Variants in CDH4 observed in about 807,000 individuals in gnomAD.
The protein encoded by CDH4 is cadherin 4.
Under a neutral mutation model 86.0 loss-of-function variants are expected in CDH4, and 33 were observed. That is an observed-to-expected ratio of 0.38 (90% CI 0.29 to 0.51). CDH4 has a LOEUF of 0.51. Among genes scored for constraint, CDH4 ranks in the 20% least tolerant of loss-of-function variants. CDH4 has a pLI of 0.86. For missense variants in CDH4, 1,114 were observed against 1,307.4 expected (o/e 0.85, Z 2.28); for synonymous variants, 555 against 549.4 (o/e 1.01, Z -0.14).
intron 2 of CDH4, among the ~76,000 whole-genome samples, chr20:61,651,585 C>T (rs1453113398): frequency 6.6e-6 from 1 of 152,218 alleles, no homozygotes; most frequent in Non-Finnish European, 1.5e-5. Flanking sequence ...ACTCTGGCTT[C>T]TCCATTTAGT....
chr20:61,895,121 C>A, intron 8 of CDH4, 74 bp downstream of exon 8: 1 of 1,537,426 alleles, frequency 6.5e-7, no homozygotes. Context: ...GGCACAGCCT[C>A]CTCTCTCTCT....
At chr20:61,383,836 TATATGC>T (rs879861046) in intron 2 of CDH4, among the ~76,000 whole-genome samples, 30,746 of 141,180 alleles carry the variant, frequency 0.22, 4,287 homozygotes, top group African/African-American at 0.3. Context: ...TATGAAGATA[TATATGC>T]GTATATATGA....
chr20:61,479,658 T>G (rs1395042906), intron 2 of CDH4, among the ~76,000 whole-genome samples: 1 of 152,226 alleles, frequency 6.6e-6, no homozygotes, highest in Non-Finnish European at 1.5e-5. Context: ...GCAACTTGAT[T>G]CTAAGTGGGC....
At chr20:61,506,837 G>C (rs2085744581) in intron 2 of CDH4, among the ~76,000 whole-genome samples, 1 of 152,202 alleles carries the variant, frequency 6.6e-6, no homozygotes, top group Non-Finnish European at 1.5e-5. Context: ...GTGGTGCTGG[G>C]TAGGGTTTAA....
At chr20:61,350,724 G>T (rs1376474615) in intron 2 of CDH4, among the ~76,000 whole-genome samples, 1 of 151,958 alleles carries the variant, frequency 6.6e-6, no homozygotes, top group Non-Finnish European at 1.5e-5. Context: ...CCCCCCCCCA[G>T]TGCTAACTGC....
intron 2 of CDH4, among the ~76,000 whole-genome samples, chr20:61,258,448 G>A (rs1457027174): frequency 6.6e-6 from 1 of 150,628 alleles, no homozygotes; most frequent in African/African-American, 2.4e-5. Flanking sequence ...GGACCATCTT[G>A]TGTACCCTCG....
intron 2 of CDH4, among the ~76,000 whole-genome samples, chr20:61,736,992 G>C (rs974908865): frequency 6.6e-6 from 1 of 152,202 alleles, no homozygotes; most frequent in Non-Finnish European, 1.5e-5. Context: ...CCAGGAGAAG[G>C]TCGAGGTGCA....
chr20:61,787,469 G>GC (rs1978945342), intron 4 of CDH4, among the ~76,000 whole-genome samples: 1 of 152,128 alleles, frequency 6.6e-6, no homozygotes, highest in African/African-American at 2.4e-5. Context: ...GGAGGTAACT[G>GC]CGCCCATGAT....
chr20:61,291,322 C>T (rs2084319480), intron 2 of CDH4, among the ~76,000 whole-genome samples: 1 of 152,186 alleles, frequency 6.6e-6, no homozygotes, highest in African/African-American at 2.4e-5. Flanking sequence ...CCCGGCGGGT[C>T]CCATATCCGG....
chr20:61,614,581 T>C (rs1162034636), intron 2 of CDH4, among the ~76,000 whole-genome samples: 13 of 152,134 alleles, frequency 8.5e-5, no homozygotes, highest in Admixed American at 8.5e-4. Flanking sequence ...CTGTGGAGTC[T>C]GCGCTGACGT....
chr20:61,434,176 G>A (rs2085267076), intron 2 of CDH4, among the ~76,000 whole-genome samples: 1 of 152,214 alleles, frequency 6.6e-6, no homozygotes, highest in Non-Finnish European at 1.5e-5. Flanking sequence ...TAACCCACGA[G>A]TGGTGTTTAC....
intron 2 of CDH4, among the ~76,000 whole-genome samples, chr20:61,720,426 G>A (rs553400087): frequency 3.3e-5 from 5 of 150,912 alleles, no homozygotes; most frequent in South Asian, 4.3e-4. Context: ...GTGTAGGGGT[G>A]CAGGGATGCA....
intron 2 of CDH4, among the ~76,000 whole-genome samples, chr20:61,386,163 T>C (rs1017370060): frequency 1.3e-5 from 2 of 152,094 alleles, no homozygotes; most frequent in Non-Finnish European, 2.9e-5. Flanking sequence ...CCTGGAAGAA[T>C]AGACCACGTA....
chr20:61,851,182 G>A (rs1166452692), intron 5 of CDH4, among the ~76,000 whole-genome samples: 1 of 152,212 alleles, frequency 6.6e-6, no homozygotes, highest in Admixed American at 6.5e-5. Context: ...AGCTGACCTG[G>A]CGTGCGTGCA....
intron 3 of CDH4, among the ~76,000 whole-genome samples, chr20:61,749,704 G>A (rs1177556814): frequency 2.0e-5 from 3 of 152,182 alleles, no homozygotes; most frequent in Non-Finnish European, 1.5e-5. Flanking sequence ...CTACTGGGAT[G>A]TAGCTAAAGT....
chr20:61,448,181 C>T (rs1316417977), intron 2 of CDH4, among the ~76,000 whole-genome samples: 1 of 152,230 alleles, frequency 6.6e-6, no homozygotes, highest in African/African-American at 2.4e-5. Context: ...AGCCAGTGCC[C>T]CAGGAGACAT....
intron 4 of CDH4, among the ~76,000 whole-genome samples, chr20:61,793,668 C>T (rs906017187): frequency 1.3e-5 from 2 of 151,556 alleles, no homozygotes; most frequent in African/African-American, 2.4e-5. Flanking sequence ...GGTGAAACCC[C>T]ATCTCTACTA....
intron 2 of CDH4, chr20:61,740,787 G>A (rs918845439): frequency 5.9e-5 from 9 of 152,266 alleles, no homozygotes; most frequent in Admixed American, 2.6e-4. Context: ...CACAGAGGTC[G>A]TGTTTGGAGC....
intron 2 of CDH4, among the ~76,000 whole-genome samples, chr20:61,679,571 GGGATGTC>G (rs2087485934): frequency 6.6e-6 from 1 of 152,174 alleles, no homozygotes; most frequent in Non-Finnish European, 1.5e-5. Flanking sequence ...CTAGCTGCTG[GGGATGTC>G]AGGGTCCTCT....
Sources: allele counts gnomAD v4.1 joint callset (sites outside exome capture counted in the v4.1 genomes callset), GRCh38; gene constraint gnomAD v4.1.1; transcripts MANE v1.5; gene names NCBI Gene and HGNC (gene_info 2026-07-23, HGNC 2026-07-21).